The following ACSS2 variants were observed in gnomAD, a reference collection of about 807,000 sequenced individuals.
The protein encoded by ACSS2 is acyl-CoA synthetase short chain family member 2, also known as acetyl-coenzyme A synthetase, cytoplasmic.
In ACSS2, 58 loss-of-function variants were observed where a neutral mutation model predicts 90.6. The observed-to-expected ratio is 0.64, with a 90% confidence interval of 0.52 to 0.80. The LOEUF (loss-of-function observed/expected upper bound fraction) is 0.80. ACSS2 is among the 30% of genes least tolerant of loss of function. The pLI is 0.00. For missense variants in ACSS2, 759 were observed against 912.0 expected, an observed-to-expected ratio of 0.83 and a Z score of 2.16; for synonymous variants, 300 against 330.9, an observed-to-expected ratio of 0.91 and a Z score of 1.01.
chr20:34,878,166 C>G (rs2079975199), intron 1 of ACSS2, among the ~76,000 whole-genome samples: 1 of 152,184 alleles, frequency 6.6e-6, no homozygotes, highest in East Asian at 1.9e-4. Flanking sequence ...AACTCCTGGC[C>G]TCAGGCTTTC....
intron 2 of ACSS2, among the ~76,000 whole-genome samples, chr20:34,888,360 T>C (rs1018082553): frequency 6.6e-6 from 1 of 152,042 alleles, no homozygotes; most frequent in Non-Finnish European, 1.5e-5. Flanking sequence ...TTTTGTAAGA[T>C]TGAATAGGAT....
intron 7 of ACSS2, among the ~76,000 whole-genome samples, chr20:34,918,972 C>T (rs780834719): frequency 3.9e-5 from 6 of 152,034 alleles, no homozygotes; most frequent in Non-Finnish European, 5.9e-5. Context: ...TCATAGATGT[C>T]GCTATCTAGA....
intron 7 of ACSS2, among the ~76,000 whole-genome samples, chr20:34,914,675 A>G (rs1601357818): frequency 1.3e-5 from 2 of 152,164 alleles, no homozygotes; most frequent in Non-Finnish European, 2.9e-5. Flanking sequence ...GGAGACTCCT[A>G]TGCTGGTTGG....
intron 2 of ACSS2, among the ~76,000 whole-genome samples, chr20:34,889,250 G>T (rs1340692527): frequency 6.6e-6 from 1 of 151,734 alleles, no homozygotes; most frequent in East Asian, 1.9e-4. Context: ...AGCTTCCCGA[G>T]CAGCTGGTAC....
At chr20:34,913,967 C>T in intron 5 of ACSS2, 129 bp from the exon 6 acceptor site, 1 of 1,351,368 alleles carries the variant, frequency 7.4e-7, no homozygotes, top group Non-Finnish European at 1.1e-6. Flanking sequence ...CTCAGCTGAC[C>T]CTCTGTCAGC....
At chr20:34,911,159 A>G (rs540511190) in intron 2 of ACSS2, among the ~76,000 whole-genome samples, 5 of 148,410 alleles carry the variant, frequency 3.4e-5, no homozygotes, top group Admixed American at 3.4e-4. Context: ...CTGGGACTAT[A>G]GGTGCATGAC....
Position 34,902,891 on chromosome 20 carries a change from AT to A in ACSS2, c.375-10184del, listed in dbSNP as rs34171408. 3.3e-3 allele frequency among the ~76,000 whole-genome samples: 386 copies of A among 115,280 alleles called. 2 individuals are homozygous for A. The highest frequency in any genetic ancestry group is 9.4e-3 in the Middle Eastern group (2 of 212). The allele number at this position is 115,280 out of a possible 152,430, so 75.6% of individuals were successfully genotyped here. On this transcript the variant is annotated intron_variant, in intron 2 of 17. Coordinates refer to ENST00000360596, the MANE Select transcript of ACSS2 (RefSeq NM_018677.4). ...TAGGCATGTGCCACCACACCTGGCT[AT>A]TTTTTTTTTTTTTTTTTTTTAGTAG... is the stretch of plus-strand genomic sequence containing the variant.
Position 34,927,358 on chromosome 20 carries a change from C to A in ACSS2, c.*144C>A. On this transcript the variant is annotated 3_prime_UTR_variant, in exon 18 of 18. Coordinates refer to ENST00000360596, the MANE Select transcript of ACSS2 (RefSeq NM_018677.4). The surrounding 1 kb of genome is among the most constrained non-coding windows in gnomAD (Gnocchi z 4.2). ...CTGGGACCGGAAACCAGCTTTGTCTCCAGGTAGAGACAACATCCTGTGACT... is the reference window on the plus strand; with the variant it reads ...CTGGGACCGGAAACCAGCTTTGTCTACAGGTAGAGACAACATCCTGTGACT... 8.8e-7 allele frequency: 1 copy of A among 1,139,436 alleles called. No individual in the cohort carries two copies. The highest frequency in any genetic ancestry group is 1.4e-5 in the South Asian group (1 of 71,338). The allele number at this position is 1,139,436 out of a possible 1,614,324, so 70.6% of individuals were successfully genotyped here.
Position 34,913,483 on chromosome 20 carries a change from T to C in ACSS2, c.557T>C (p.Leu186Ser). The C allele has an allele frequency of 6.2e-7, 1 of 1,612,790 alleles. No individual in the cohort carries two copies. Among genetic ancestry groups the C allele is most frequent in the South Asian group, 1.1e-5 (1 of 91,032 alleles). Residue 186 changes from leucine to serine, a missense_variant, in exon 4 of 18, where the codon TTG (leucine) becomes TCG (serine). Leu to Ser is a moderately radical substitution (Grantham distance 145). Transcript: ENST00000360596. ...CTGGCATGTGCCCGCATTGGGGCTT[T>C]GCACTCCATTGTGGTAGGAGTTTGG... ...AMLACARIGA[L>S]HSIVFAGFSS...
chr20:34,897,872 A>T (rs1011843090), intron 2 of ACSS2, among the ~76,000 whole-genome samples: 3 of 152,166 alleles, frequency 2.0e-5, no homozygotes, highest in African/African-American at 7.2e-5. Flanking sequence ...TCAGTACTTC[A>T]TCCTTTTACA....
chr20:34,907,854 A>G (rs2080846190), intron 2 of ACSS2, among the ~76,000 whole-genome samples: 1 of 152,100 alleles, frequency 6.6e-6, no homozygotes, highest in Middle Eastern at 3.2e-3. Flanking sequence ...TCTCATCCCT[A>G]GGAGGGTTAA....
At chr20:34,890,462 G>T (rs1427014118) in intron 2 of ACSS2, among the ~76,000 whole-genome samples, 1 of 152,148 alleles carries the variant, frequency 6.6e-6, no homozygotes, top group Non-Finnish European at 1.5e-5. Context: ...GTAGCTGAAG[G>T]AGTGGAAGGG....
At chr20:34,889,748 G>A (rs2080289431) in intron 2 of ACSS2, among the ~76,000 whole-genome samples, 1 of 152,214 alleles carries the variant, frequency 6.6e-6, no homozygotes, top group African/African-American at 2.4e-5. Context: ...ATGGTTAGAT[G>A]TGGTCAAATT....
chr20:34,919,304 C>A, intron 7 of ACSS2, 131 bp from the exon 8 acceptor site: 1 of 1,409,226 alleles, frequency 7.1e-7, no homozygotes, highest in Non-Finnish European at 9.7e-7. Context: ...CCATTCCATC[C>A]TTGAAGGGCC....
intron 15 of ACSS2, 70 bp from the exon 16 acceptor site, chr20:34,926,035 G>T (rs907112845): frequency 6.5e-7 from 1 of 1,528,646 alleles, no homozygotes; most frequent in Admixed American, 1.7e-5. Flanking sequence ...CTGCCCCATG[G>T]GTACAGATGG....
intron 2 of ACSS2, among the ~76,000 whole-genome samples, chr20:34,902,426 C>G (rs955842340): frequency 6.6e-6 from 1 of 151,966 alleles, no homozygotes; most frequent in African/African-American, 2.4e-5. Context: ...AGCTGATCTA[C>G]TTAGGGTGGT....
At chr20:34,912,477 G>A (rs756803783) in intron 2 of ACSS2, 23 of 162,056 alleles carry the variant, frequency 1.4e-4, no homozygotes, top group Middle Eastern at 8.5e-4. Flanking sequence ...GTAGAGACGC[G>A]GTTTCACCAT....
chr20:34,896,463 A>G (rs1054092006), intron 2 of ACSS2, among the ~76,000 whole-genome samples: 1 of 152,140 alleles, frequency 6.6e-6, no homozygotes, highest in African/African-American at 2.4e-5. Context: ...TCTGTATCCT[A>G]TCTTATCCCC....
At chr20:34,909,097 A>G (rs530743557) in intron 2 of ACSS2, among the ~76,000 whole-genome samples, 1 of 151,378 alleles carries the variant, frequency 6.6e-6, no homozygotes, top group East Asian at 1.9e-4. Context: ...TGTAATCCCA[A>G]CACTTTGGAA....
Sources: gnomAD v4.1 joint callset for allele counts (sites outside exome capture counted in the v4.1 genomes callset) on GRCh38, gnomAD v4.1.1 for gene constraint, Gnocchi (gnomAD v3.1) non-coding constraint, MANE v1.5 for transcripts, NCBI Gene and HGNC (gene_info 2026-07-23, HGNC 2026-07-21) for gene names.